Variants in EIF4E observed in about 807,000 individuals in gnomAD.
EIF4E encodes the protein eIF-4F 25 kDa subunit.
For synonymous variants in EIF4E, 71 were observed against 88.5 expected, an observed-to-expected ratio of 0.80 and a Z score of 1.11; for missense variants, 113 against 265.6, an observed-to-expected ratio of 0.43 and a Z score of 3.99.
At chr4:98,918,174 C>T (rs1363159058) in intron 1 of EIF4E, among the ~76,000 whole-genome samples, 1 of 151,736 alleles carries the variant, frequency 6.6e-6, no homozygotes, top group East Asian at 1.9e-4. Flanking sequence ...ACCAGCCTGG[C>T]CAACATGATG....
At chr4:98,927,924 G>A (rs995678864) in intron 1 of EIF4E, among the ~76,000 whole-genome samples, 4 of 151,960 alleles carry the variant, frequency 2.6e-5, no homozygotes, top group African/African-American at 9.7e-5. Flanking sequence ...CCCAAATTAT[G>A]AAAAATATAC....
At chr4:98,896,376 T>G (rs966560903) in intron 2 of EIF4E, among the ~76,000 whole-genome samples, 1 of 142,396 alleles carries the variant, frequency 7.0e-6, no homozygotes, top group Non-Finnish European at 1.5e-5. Context: ...TGTCAAGGAA[T>G]GGGACAGGGA....
chr4:98,883,589 G>C (rs1723792868), intron 6 of EIF4E, among the ~76,000 whole-genome samples: 1 of 151,642 alleles, frequency 6.6e-6, no homozygotes, highest in Non-Finnish European at 1.5e-5. Flanking sequence ...ATTTTTAGTA[G>C]AGACGGGGTT....
chr4:98,899,684 T>A (rs966723902), intron 2 of EIF4E, among the ~76,000 whole-genome samples: 1 of 152,128 alleles, frequency 6.6e-6, no homozygotes, highest in Non-Finnish European at 1.5e-5. Context: ...TATATCAATA[T>A]AATGCAAGAC....
At chr4:98,925,811 G>C (rs10007957) in intron 1 of EIF4E, among the ~76,000 whole-genome samples, 19,609 of 152,022 alleles carry the variant, frequency 0.13, 1,427 homozygotes, top group African/African-American at 0.19. Context: ...GAAAAAACAT[G>C]ATTTTTGCAG....
intron 1 of EIF4E, among the ~76,000 whole-genome samples, chr4:98,911,024 G>A (rs905124128): frequency 1.2e-4 from 18 of 151,142 alleles, no homozygotes; most frequent in African/African-American, 3.2e-4. Flanking sequence ...ATGAGCCACC[G>A]CACCAGGCCT....
intron 6 of EIF4E, among the ~76,000 whole-genome samples, chr4:98,882,244 T>C (rs1215659934): frequency 3.3e-5 from 5 of 151,840 alleles, no homozygotes; most frequent in East Asian, 1.9e-4. Flanking sequence ...TACAAAAAAT[T>C]AGCCGGGTGT....
At position 98,901,853 on chromosome 4, in the gene EIF4E, A is replaced by G. The variant is rs752013268; in HGVS notation, c.125+23T>C. The stretch of plus-strand genomic sequence containing the variant: ...ATTTACCTTGTGGCCTAACTCAGAA[A>G]ACCTAGGTGTTAGAAAGCTTACCTG... On this transcript the variant is annotated intron_variant, in intron 2 of 6. Coordinates refer to ENST00000450253, the MANE Select transcript of EIF4E (RefSeq NM_001968.5). The G allele has an allele frequency of 5.6e-6, 9 of 1,603,348 alleles. No homozygotes were observed. In the African/African-American group the frequency reaches 9.4e-5, roughly 17 times the overall value.
chr4:98,912,518 G>C (rs1725196623), intron 1 of EIF4E, among the ~76,000 whole-genome samples: 1 of 151,854 alleles, frequency 6.6e-6, no homozygotes, highest in Admixed American at 6.5e-5. Context: ...AGAGATTGCA[G>C]TGAGCTGAGA....
At chr4:98,890,512 A>G in intron 3 of EIF4E, among the ~76,000 whole-genome samples, 1 of 152,158 alleles carries the variant, frequency 6.6e-6, no homozygotes, top group East Asian at 1.9e-4. Context: ...TATTTATTTT[A>G]TAGAGAAACA....
intron 1 of EIF4E, chr4:98,926,117 G>A (rs1175045184): frequency 6.6e-6 from 1 of 152,306 alleles, no homozygotes; most frequent in Admixed American, 6.6e-5. Context: ...AGTGAGCTAT[G>A]ATCGCGCCAC....
chr4:98,882,352 G>C (rs1236874893), intron 6 of EIF4E, among the ~76,000 whole-genome samples: 2 of 141,630 alleles, frequency 1.4e-5, no homozygotes, highest in Non-Finnish European at 3.0e-5. Flanking sequence ...GAGTGAGACT[G>C]TGCCACTGCA....
In EIF4E at chr4:98,891,234, T is replaced by C. The variant is rs781244778; in HGVS notation, c.221+3A>G. 1.2e-6 allele frequency: 2 copies of C among 1,614,038 alleles called. No individual in the cohort carries two copies. The highest frequency in any genetic ancestry group is 1.7e-6 in the Non-Finnish European group (2 of 1,179,930). ...AAACATACTAAAACAAATGGTTACT[T>C]ACGCCCAAAAGTCTTCAACAGTATC... On this transcript the variant is annotated splice_donor_region_variant and intron_variant, in intron 3 of 6. Coordinates refer to ENST00000450253, the MANE Select transcript of EIF4E (RefSeq NM_001968.5).
In EIF4E at chr4:98,887,195, A is replaced by G; in HGVS notation, c.286-3T>C. 6.2e-7 allele frequency: 1 copy of G among 1,613,638 alleles called. No homozygotes were observed. The highest frequency in any genetic ancestry group is 8.5e-7 in the Non-Finnish European group (1 of 1,179,594). ...TCCCACATAGGCTCAATACCATCCT[A>G]CAGGGTTAGAAGACAACAGTATTAC... On this transcript the variant is annotated splice_polypyrimidine_tract_variant and splice_region_variant and intron_variant, in intron 4 of 6. Coordinates refer to ENST00000450253, the MANE Select transcript of EIF4E (RefSeq NM_001968.5). This position sits in a 1 kb window ranked among gnomAD's most constrained non-coding sequence, Gnocchi z 4.0.
intron 6 of EIF4E, 48 bp from the exon 7 acceptor site, chr4:98,881,190 A>C (rs1476293363): frequency 6.3e-7 from 1 of 1,593,474 alleles, no homozygotes; most frequent in African/African-American, 1.3e-5. Flanking sequence ...ATTAACTTTT[A>C]CTCACAAGAA....
In EIF4E at chr4:98,879,568, TATAA is replaced by T. The variant is rs1351245882; in HGVS notation, c.*1456_*1459del. 2.6e-5 allele frequency: 4 copies of T among 152,284 alleles called. No individual in the cohort carries two copies. Among genetic ancestry groups the T allele is most frequent in the African/African-American group, 9.6e-5 (4 of 41,580 alleles). The allele number at this position is 152,284 out of a possible 1,614,324, so 9.4% of individuals were successfully genotyped here. A position where few individuals can be genotyped will look rare whatever the true frequency, so the allele number is the denominator to read the frequency against. On this transcript the variant is annotated 3_prime_UTR_variant, in exon 7 of 7. Coordinates refer to ENST00000450253, the MANE Select transcript of EIF4E (RefSeq NM_001968.5). ...ATACCATACTACAACAATTTACCAC[TATAA>T]ATATGTCTTAACACCTGTTTATTCC...
In EIF4E at chr4:98,887,853, C is replaced by CT. The variant is rs1263119534; in HGVS notation, c.285+35dup. 1 of 1,583,614 alleles carries CT rather than the reference C, an allele frequency of 6.3e-7. No individual in the cohort carries two copies. The highest frequency in any genetic ancestry group is 1.4e-5 in the African/African-American group (1 of 74,054). Reference sequence around the variant, plus strand: ...TTAATGAATACCAAATGGCCCAGTCCTATAATAAATATATAAAATCACCAA... The same window carrying CT: ...TTAATGAATACCAAATGGCCCAGTCCTTATAATAAATATATAAAATCACCAA... On this transcript the variant is annotated intron_variant, in intron 4 of 6. Transcript: ENST00000450253. The surrounding 1 kb of genome is among the most constrained non-coding windows in gnomAD (Gnocchi z 4.0).
rs1164170926 is a variant in EIF4E, at chr4:98,892,340, C to CA, written c.126-1009dup. ...CCATCTCAAAAAACAAAAAAACAAA[C>CA]AAAAAAAAAAAACAAAAAAAACACA... is the stretch of plus-strand genomic sequence containing the variant. On this transcript the variant is annotated intron_variant, in intron 2 of 6. Coordinates refer to ENST00000450253, the MANE Select transcript of EIF4E (RefSeq NM_001968.5). 8.1e-4 allele frequency among the ~76,000 whole-genome samples: 102 copies of CA among 126,314 alleles called. 1 individual carries two copies. Among genetic ancestry groups the CA allele is most frequent in the Middle Eastern group, 5.1e-3 (1 of 198 alleles). 82.9% of individuals were successfully genotyped at this position (126,314 alleles called of 152,430 possible). A position where few individuals can be genotyped will look rare whatever the true frequency, so the allele number is the denominator to read the frequency against.
chr4:98,907,090 C>G (rs1724902023), intron 1 of EIF4E, among the ~76,000 whole-genome samples: 1 of 152,090 alleles, frequency 6.6e-6, no homozygotes, highest in Non-Finnish European at 1.5e-5. Flanking sequence ...AACTATATGA[C>G]CAGCCACTAT....
Sources: allele counts gnomAD v4.1 joint callset (sites outside exome capture counted in the v4.1 genomes callset), GRCh38; gene constraint gnomAD v4.1.1; non-coding constraint Gnocchi (gnomAD v3.1); transcripts MANE v1.5; gene names NCBI Gene and HGNC (gene_info 2026-07-23, HGNC 2026-07-21).